Variants in MAEA observed in about 807,000 individuals in gnomAD.
MAEA encodes E3 ubiquitin-protein transferase MAEA.
In MAEA, 22 loss-of-function variants were observed where a neutral mutation model predicts 46.2. The ratio of observed to expected loss-of-function variants is 0.48; its 90% confidence interval spans 0.34 to 0.68. MAEA has a LOEUF of 0.68. MAEA is among the 30% of genes least tolerant of loss of function. The pLI is 0.01. For synonymous variants in MAEA, 246 were observed against 222.6 expected (o/e 1.11, Z -0.94); for missense variants, 393 against 558.1 (o/e 0.70, Z 2.98).
chr4:1,295,180 G>A lies in MAEA; in HGVS notation c.69+5198G>A, dbSNP rs745797407. On this transcript the variant is annotated intron_variant, in intron 1 of 8. Coordinates refer to ENST00000303400, the MANE Select transcript of MAEA (RefSeq NM_001017405.3). ...CCCGTCTGCAGAGAGGCTGTGCTGC[G>A]AGCCCCACCCTCTGGGGGCTTCAGG... is the stretch of plus-strand genomic sequence containing the variant. 2.6e-5 allele frequency among the ~76,000 whole-genome samples: 4 copies of A among 152,114 alleles called. No homozygotes were observed. The East Asian group carries it at 5.8e-4, about 22-fold the overall frequency.
intron 3 of MAEA, among the ~76,000 whole-genome samples, chr4:1,317,521 C>A (rs148618274): frequency 8.5e-5 from 13 of 152,066 alleles, no homozygotes; most frequent in Non-Finnish European, 1.6e-4. Flanking sequence ...ATGCCTTCTC[C>A]CCACTGCTGC....
At chr4:1,292,792 T>A (rs886876651) in intron 1 of MAEA, among the ~76,000 whole-genome samples, 1 of 152,080 alleles carries the variant, frequency 6.6e-6, no homozygotes, top group Non-Finnish European at 1.5e-5. Flanking sequence ...TGGCTGTGGC[T>A]GTGTCTTTTT....
chr4:1,297,935 C>T (rs1734922889), intron 1 of MAEA: 2 of 452,250 alleles, frequency 4.4e-6, no homozygotes, highest in Non-Finnish European at 8.9e-6. Context: ...CCCTGCCCTT[C>T]TCTGCTTCCC....
chr4:1,323,267 C>T (rs946179066), intron 4 of MAEA, among the ~76,000 whole-genome samples: 7 of 152,046 alleles, frequency 4.6e-5, no homozygotes, highest in African/African-American at 1.7e-4. Context: ...TTGTAGAGAC[C>T]AAAAGAAGCT....
rs1712039063 is a variant in MAEA, at chr4:1,332,920, G to A, written c.765+55G>A. On this transcript the variant is annotated intron_variant, in intron 6 of 8. Transcript: ENST00000303400. ...ATGCTGGGGTGGGGATCCAGGGTGT[G>A]TCTCTGGTCTGTAGCTGCTTCCACA... The A allele has an allele frequency of 5.1e-6, 7 of 1,380,360 alleles. No individual in the cohort carries two copies. In the Admixed American group the frequency reaches 1.2e-4, roughly 23 times the overall value. The allele number at this position is 1,380,360 out of a possible 1,614,324, so 85.5% of individuals were successfully genotyped here.
intron 1 of MAEA, among the ~76,000 whole-genome samples, chr4:1,297,497 C>T (rs985621363): frequency 7.5e-5 from 10 of 134,212 alleles, no homozygotes; most frequent in South Asian, 4.2e-4. Context: ...AGAGAGAGCA[C>T]GCGCTTGAGT....
chr4:1,316,253 C>T (rs534636719), intron 3 of MAEA, among the ~76,000 whole-genome samples: 126 of 151,546 alleles, frequency 8.3e-4, no homozygotes, highest in African/African-American at 2.7e-3. Flanking sequence ...AGACGCTGGG[C>T]GGTGCTGCCC....
chr4:1,298,377 T>C lies in MAEA; in HGVS notation c.69+8395T>C, dbSNP rs533265957. Among the ~76,000 whole-genome samples, 10 of 152,256 alleles carry C rather than the reference T, an allele frequency of 6.6e-5. No homozygotes were observed. The South Asian group carries it at 1.0e-3, about 16-fold the overall frequency. On this transcript the variant is annotated intron_variant, in intron 1 of 8. Transcript: ENST00000303400. Reference sequence around the variant, plus strand: ...AGAGGCACACGCGCCGTCTTCTGGTTATCCACGAAGAGGCACACGCGCCGT... The same window carrying C: ...AGAGGCACACGCGCCGTCTTCTGGTCATCCACGAAGAGGCACACGCGCCGT...
chr4:1,297,564 C>G (rs1734870840), intron 1 of MAEA, among the ~76,000 whole-genome samples: 1 of 151,164 alleles, frequency 6.6e-6, no homozygotes, highest in African/African-American at 2.5e-5. Context: ...GCCCTTTGTC[C>G]CTTGCCTGCC....
At chr4:1,291,877 CATA>C (rs1472698781) in intron 1 of MAEA, among the ~76,000 whole-genome samples, 5 of 152,184 alleles carry the variant, frequency 3.3e-5, no homozygotes, top group African/African-American at 9.6e-5. Context: ...ATTATAGTGT[CATA>C]ATTTCTCTGT....
chr4:1,309,413 C>T (rs1034823223), intron 1 of MAEA: 6 of 1,272,872 alleles, frequency 4.7e-6, no homozygotes, highest in African/African-American at 4.5e-5. Context: ...GCTGAGTCCC[C>T]CGGAAGAGGA....
intron 1 of MAEA, among the ~76,000 whole-genome samples, chr4:1,303,393 CTG>C (rs1174501541): frequency 2.1e-5 from 1 of 47,646 alleles, no homozygotes; most frequent in Non-Finnish European, 3.2e-5. Flanking sequence ...CAGTGAGACT[CTG>C]TCTCAAAAAA....
intron 4 of MAEA, chr4:1,323,725 A>T (rs760386257): frequency 1.5e-6 from 1 of 664,608 alleles, no homozygotes; most frequent in Non-Finnish European, 2.7e-6. Flanking sequence ...GTCAGAGGGA[A>T]GATAGGTTCT....
At chr4:1,307,166 A>G (rs1053004744) in intron 1 of MAEA, among the ~76,000 whole-genome samples, 18 of 152,188 alleles carry the variant, frequency 1.2e-4, no homozygotes, top group African/African-American at 4.3e-4. Flanking sequence ...TATGTATACA[A>G]TTTGCCATCA....
chr4:1,317,430 G>T (rs1737433031), intron 3 of MAEA, among the ~76,000 whole-genome samples: 1 of 151,366 alleles, frequency 6.6e-6, no homozygotes, highest in Admixed American at 6.6e-5. Context: ...CCTCTTGCTG[G>T]CTCTTGTCCT....
At chr4:1,294,003 G>A (rs891216142) in intron 1 of MAEA, among the ~76,000 whole-genome samples, 21 of 152,228 alleles carry the variant, frequency 1.4e-4, no homozygotes, top group African/African-American at 4.6e-4. Flanking sequence ...ACCACGAAGC[G>A]TTTGACTTAC....
In MAEA at chr4:1,300,800, C is replaced by T. The variant is rs779073719; in HGVS notation, c.69+10818C>T. 2.0e-5 allele frequency among the ~76,000 whole-genome samples: 3 copies of T among 152,382 alleles called. No homozygotes were observed. The South Asian group carries it at 6.2e-4, about 32-fold the overall frequency. On this transcript the variant is annotated intron_variant, in intron 1 of 8. Transcript: ENST00000303400. ...CTGCGAGCTTTGTAGGGCGCAACAT[C>T]AATCTGGTTACATCCCCTCAGAAGT... is the stretch of plus-strand genomic sequence containing the variant.
At position 1,339,148 on chromosome 4, in the gene MAEA, C is replaced by T. The variant is rs748380402; in HGVS notation, c.1170C>T (p.Ala390=). 89 of 1,613,728 alleles carry T rather than the reference C, an allele frequency of 5.5e-5. No individual in the cohort carries two copies. The highest frequency in any genetic ancestry group is 6.7e-5 in the Non-Finnish European group (79 of 1,179,898). The part of the protein sequence containing the change: ...RTKEVFHFSQ[A]EKVYIM Reference sequence around the variant, plus strand: ...AAGAAGTCTTCCACTTCTCACAAGCCGAGAAGGTGTACATCATGTAGGCCC... The same window carrying T: ...AAGAAGTCTTCCACTTCTCACAAGCTGAGAAGGTGTACATCATGTAGGCCC... The change falls in exon 9 of 9, where the codon GCC becomes GCT. Residue 390 remains alanine (A), a synonymous_variant. Coordinates refer to ENST00000303400, the MANE Select transcript of MAEA (RefSeq NM_001017405.3).
At chr4:1,316,976 C>G (rs1288828327) in intron 3 of MAEA, among the ~76,000 whole-genome samples, 25 of 146,468 alleles carry the variant, frequency 1.7e-4, no homozygotes, top group South Asian at 2.1e-4. Context: ...CACCACGGCC[C>G]CACACTCTAG....
Sources: gnomAD v4.1 joint callset for allele counts (sites outside exome capture counted in the v4.1 genomes callset) on GRCh38, gnomAD v4.1.1 for gene constraint, MANE v1.5 for transcripts, NCBI Gene and HGNC (gene_info 2026-07-23, HGNC 2026-07-21) for gene names.